PTPRN2: variants seen among roughly 807,000 people sequenced by gnomAD.
PTPRN2 encodes the protein protein tyrosine phosphatase receptor type N2, also known as receptor-type tyrosine-protein phosphatase N2.
Under a neutral mutation model 118.8 loss-of-function variants are expected in PTPRN2, and 74 were observed. The ratio of observed to expected loss-of-function variants is 0.62; its 90% CI spans 0.52 to 0.76. PTPRN2 has a LOEUF of 0.76. Among genes scored for constraint, PTPRN2 ranks in the 30% least tolerant of loss-of-function variants. PTPRN2 has a pLI of 0.00. For missense variants in PTPRN2, 1,481 were observed against 1,394.4 expected, an observed-to-expected ratio of 1.06 and a Z score of -0.99; for synonymous variants, 641 against 608.0, an observed-to-expected ratio of 1.05 and a Z score of -0.80.
At chr7:158,533,789 T>C (rs1825427400) in intron 1 of PTPRN2, among the ~76,000 whole-genome samples, 1 of 152,226 alleles carries the variant, frequency 6.6e-6, no homozygotes, top group African/African-American at 2.4e-5. Context: ...ATGCTCACAA[T>C]GCCTCGGGGA....
intron 5 of PTPRN2, 140 bp from the exon 6 acceptor site, chr7:158,167,431 G>T: frequency 8.8e-7 from 1 of 1,142,494 alleles, no homozygotes. Flanking sequence ...TCAGGTTCAA[G>T]GTCCTAAACA....
chr7:158,363,762 C>T (rs1586466222), intron 2 of PTPRN2, among the ~76,000 whole-genome samples: 1 of 152,162 alleles, frequency 6.6e-6, no homozygotes, highest in South Asian at 2.1e-4. Flanking sequence ...GCCTGGGAAG[C>T]GGCTGGCCTG....
intron 2 of PTPRN2, among the ~76,000 whole-genome samples, chr7:158,444,045 G>A (rs1256157020): frequency 6.6e-6 from 1 of 152,176 alleles, no homozygotes; most frequent in Non-Finnish European, 1.5e-5. Context: ...TGTTCAGTCA[G>A]GGTCCTGCCC....
intron 3 of PTPRN2, among the ~76,000 whole-genome samples, chr7:158,262,347 A>T (rs938976096): frequency 7.0e-6 from 1 of 142,000 alleles, no homozygotes; most frequent in South Asian, 2.2e-4. Context: ...ACACATATTC[A>T]CACACACTGC....
At position 157,729,580 on chromosome 7, in the gene PTPRN2, G is replaced by C. The variant is rs1198068694; in HGVS notation, c.1789-46643C>G. On this transcript the variant is annotated intron_variant, in intron 12 of 22. Coordinates refer to ENST00000389418, the MANE Select transcript of PTPRN2 (RefSeq NM_002847.5). The surrounding 1 kb of genome is among the most constrained non-coding windows in gnomAD (Gnocchi z 4.3). ...ACACCATCAAACAACATCAGAGCTT[G>C]CAAAAGGAGCTCTGCAGTGCCTGAG... 6.6e-6 allele frequency among the ~76,000 whole-genome samples: 1 copy of C among 152,232 alleles called. No homozygotes were observed. Among genetic ancestry groups the C allele is most frequent in the East Asian group, 1.9e-4 (1 of 5,198 alleles).
intron 3 of PTPRN2, among the ~76,000 whole-genome samples, chr7:158,223,055 C>T (rs1828484486): frequency 6.6e-6 from 1 of 152,168 alleles, no homozygotes; most frequent in Non-Finnish European, 1.5e-5. Context: ...CAACTCTACA[C>T]ACATAAACCT....
chr7:157,693,659 A>G (rs1423343022), intron 12 of PTPRN2, among the ~76,000 whole-genome samples: 1 of 151,860 alleles, frequency 6.6e-6, no homozygotes, highest in Non-Finnish European at 1.5e-5. Context: ...CAGCTGGGGA[A>G]CCGCGCGTCG....
At chr7:158,157,469 C>CA (rs1291376896) in intron 6 of PTPRN2, among the ~76,000 whole-genome samples, 10 of 152,236 alleles carry the variant, frequency 6.6e-5, no homozygotes, top group Non-Finnish European at 1.5e-4. Flanking sequence ...CACATGGGGG[C>CA]AGTTTATGAC....
chr7:158,248,938 A>G (rs1421520767), intron 3 of PTPRN2, among the ~76,000 whole-genome samples: 2 of 151,440 alleles, frequency 1.3e-5, no homozygotes, highest in Admixed American at 6.6e-5. Context: ...CATGCCACAC[A>G]CATGCACCCA....
At chr7:158,041,441 C>T (rs932340057) in intron 11 of PTPRN2, among the ~76,000 whole-genome samples, 2 of 152,062 alleles carry the variant, frequency 1.3e-5, no homozygotes, top group Middle Eastern at 6.3e-3. Context: ...AGTTTGAGAC[C>T]ATCCTGGCCA....
intron 11 of PTPRN2, among the ~76,000 whole-genome samples, chr7:158,054,024 C>CCCCAGAGATGCAGAGA (rs1228609942): frequency 1.5e-4 from 19 of 124,078 alleles, no homozygotes; most frequent in African/African-American, 6.8e-4. Context: ...GACGCAGAGA[C>CCCCAGAGATGCAGAGA]TCCAGAGATG....
At chr7:157,692,660 C>T (rs1336643962) in intron 12 of PTPRN2, among the ~76,000 whole-genome samples, 2 of 152,210 alleles carry the variant, frequency 1.3e-5, no homozygotes, top group African/African-American at 4.8e-5. Flanking sequence ...CCATGGTTCC[C>T]GCAGGCCTGA....
intron 12 of PTPRN2, among the ~76,000 whole-genome samples, chr7:157,837,240 C>T (rs1392954510): frequency 2.7e-5 from 4 of 147,582 alleles, no homozygotes; most frequent in Non-Finnish European, 6.0e-5. Context: ...CACACATCCA[C>T]CCTTCCATGT....
At chr7:157,906,215 C>G (rs1797761668) in intron 11 of PTPRN2, among the ~76,000 whole-genome samples, 1 of 152,128 alleles carries the variant, frequency 6.6e-6, no homozygotes, top group Non-Finnish European at 1.5e-5. Flanking sequence ...GAAGTTGATT[C>G]AGTGATTGGA....
intron 2 of PTPRN2, among the ~76,000 whole-genome samples, chr7:158,411,892 G>T (rs901777263): frequency 6.6e-6 from 1 of 152,066 alleles, no homozygotes; most frequent in African/African-American, 2.4e-5. Context: ...ATGAGGCTGC[G>T]CACATGAGAC....
intron 2 of PTPRN2, among the ~76,000 whole-genome samples, chr7:158,459,230 C>T (rs1818764415): frequency 2.7e-5 from 1 of 37,126 alleles, no homozygotes; most frequent in South Asian, 7.1e-4. Flanking sequence ...ACCACAACAC[C>T]CAGATGAGAA....
intron 12 of PTPRN2, among the ~76,000 whole-genome samples, chr7:157,693,503 C>G (rs1441568182): frequency 2.6e-5 from 4 of 152,144 alleles, no homozygotes; most frequent in Non-Finnish European, 5.9e-5. Context: ...CTGCCCCGAC[C>G]CTCCCGCTGC....
rs1829055889 is a variant in PTPRN2, at chr7:158,587,623, GGCAGCAGCAGCAGTA to G, written c.32_46del (p.Leu11_Leu15del). On this transcript the variant is annotated inframe_deletion, in exon 1 of 23. Coordinates refer to ENST00000389418, the MANE Select transcript of PTPRN2 (RefSeq NM_002847.5). ...AGGGGCGGCAGGCAGGACGCGTGGC[GGCAGCAGCAGCAGTA>G]GCAGCAGCAGCAGCGGGAGCGGCGG... is the stretch of plus-strand genomic sequence containing the variant. 2.2e-6 allele frequency: 3 copies of G among 1,360,396 alleles called. No individual in the cohort carries two copies. Among genetic ancestry groups the G allele is most frequent in the Non-Finnish European group, 1.9e-6 (2 of 1,062,514 alleles). The allele number at this position is 1,360,396 out of a possible 1,614,324, so 84.3% of individuals were successfully genotyped here.
In PTPRN2 at chr7:157,755,894, AAAG is replaced by A. The variant is rs561048736; in HGVS notation, c.1789-72960_1789-72958del. ...CCCGATTCTAAAATAAATTTGAAAA[AAAG>A]AAGAATGCGAGCATTTCCCATTGGT... is the stretch of plus-strand genomic sequence containing the variant. On this transcript the variant is annotated intron_variant, in intron 12 of 22. Coordinates refer to ENST00000389418, the MANE Select transcript of PTPRN2 (RefSeq NM_002847.5). Among the ~76,000 whole-genome samples, 69 of 152,356 alleles carry A rather than the reference AAAG, an allele frequency of 4.5e-4. 1 individual carries two copies. The South Asian group carries it at 0.012, about 27-fold the overall frequency.
Sources: gnomAD v4.1 joint callset for allele counts (sites outside exome capture counted in the v4.1 genomes callset) on GRCh38, gnomAD v4.1.1 for gene constraint, Gnocchi (gnomAD v3.1) non-coding constraint, MANE v1.5 for transcripts, NCBI Gene and HGNC (gene_info 2026-07-23, HGNC 2026-07-21) for gene names.